The following SPECC1 variants were observed in gnomAD, a reference collection of about 807,000 sequenced individuals.
SPECC1 encodes cytospin-B.
Under a neutral mutation model 104.1 loss-of-function variants are expected in SPECC1, and 62 were observed. That is an observed-to-expected ratio of 0.60 (90% CI 0.49 to 0.74). The LOEUF is 0.74. Among genes scored for constraint, SPECC1 ranks in the 30% least tolerant of loss-of-function variants. SPECC1 has a pLI of 0.00. For synonymous variants in SPECC1, 513 were observed against 501.6 expected, an observed-to-expected ratio of 1.02 and a Z score of -0.30; for missense variants, 1,306 against 1,310.5, an observed-to-expected ratio of 1.00 and a Z score of 0.05.
intron 1 of SPECC1, among the ~76,000 whole-genome samples, chr17:20,041,517 C>T (rs2045325742): frequency 6.6e-6 from 1 of 151,718 alleles, no homozygotes; most frequent in Non-Finnish European, 1.5e-5. Context: ...GCAGGGATTA[C>T]AGGCTGTGAG....
At chr17:20,161,596 G>C (rs1279239986) in intron 3 of SPECC1, among the ~76,000 whole-genome samples, 2 of 152,184 alleles carry the variant, frequency 1.3e-5, no homozygotes, top group Admixed American at 1.3e-4. Flanking sequence ...CATAACGCGT[G>C]ATCTGTGAAG....
chr17:20,149,435 T>C (rs2031775093), intron 3 of SPECC1, among the ~76,000 whole-genome samples: 1 of 152,224 alleles, frequency 6.6e-6, no homozygotes, highest in Non-Finnish European at 1.5e-5. Context: ...ACTCCTGTTT[T>C]CCTTCCAGGA....
chr17:20,263,998 CTG>C (rs1447997867), intron 12 of SPECC1, among the ~76,000 whole-genome samples: 4 of 152,160 alleles, frequency 2.6e-5, no homozygotes, highest in Non-Finnish European at 5.9e-5. Context: ...CATGAAATCT[CTG>C]TAAAATTAGA....
At chr17:20,188,479 A>AATTCCTGACCTCAGGTGAT (rs905393633) in intron 3 of SPECC1, among the ~76,000 whole-genome samples, 2 of 152,002 alleles carry the variant, frequency 1.3e-5, no homozygotes, top group South Asian at 2.1e-4. Flanking sequence ...GCTGATCTCG[A>AATTCCTGACCTCAGGTGAT]ATTCCTGACC....
At chr17:20,207,567 A>G (rs2036868145) in intron 4 of SPECC1, among the ~76,000 whole-genome samples, 1 of 152,240 alleles carries the variant, frequency 6.6e-6, no homozygotes. Flanking sequence ...TCAGTGAGAA[A>G]TAATTTGACA....
intron 14 of SPECC1, among the ~76,000 whole-genome samples, chr17:20,307,914 CAA>C (rs2041815966): frequency 6.6e-6 from 1 of 151,946 alleles, no homozygotes. Flanking sequence ...ACAGAAAAAG[CAA>C]AGACAGATAA....
At chr17:20,224,073 G>A (rs531408287) in intron 4 of SPECC1, among the ~76,000 whole-genome samples, 1 of 152,356 alleles carries the variant, frequency 6.6e-6, no homozygotes, top group Non-Finnish European at 1.5e-5. Context: ...CACAAGCCCA[G>A]TAATGCTGTG....
intron 12 of SPECC1, 69 bp from the exon 13 acceptor site, chr17:20,296,892 A>G (rs1014197231): frequency 3.6e-6 from 5 of 1,397,700 alleles, no homozygotes; most frequent in Non-Finnish European, 4.0e-6. Flanking sequence ...TCTTATCACA[A>G]TCTTCCTCAT....
chr17:20,068,125 CT>C (rs1201497505), intron 1 of SPECC1, among the ~76,000 whole-genome samples: 1 of 152,110 alleles, frequency 6.6e-6, no homozygotes, highest in Non-Finnish European at 1.5e-5. Flanking sequence ...ACCACCACCC[CT>C]GGTTTGTATT....
At chr17:20,079,753 G>C (rs920636317) in intron 1 of SPECC1, among the ~76,000 whole-genome samples, 1 of 152,166 alleles carries the variant, frequency 6.6e-6, no homozygotes, top group African/African-American at 2.4e-5. Flanking sequence ...CTACGCATGG[G>C]TTGGGGAGGA....
chr17:20,245,660 T>C (rs958224109), intron 7 of SPECC1, among the ~76,000 whole-genome samples: 2 of 152,230 alleles, frequency 1.3e-5, no homozygotes, highest in Non-Finnish European at 2.9e-5. Flanking sequence ...ACACACTTTT[T>C]ATTTAGAGCT....
At chr17:20,239,200 G>A (rs563407549) in intron 7 of SPECC1, 4 of 1,020,108 alleles carry the variant, frequency 3.9e-6, no homozygotes, top group Non-Finnish European at 4.7e-6. Flanking sequence ...ATTTAAATAT[G>A]AATAGATTGA....
chr17:20,253,505 A>AG lies in SPECC1; in HGVS notation c.2601dup (p.His868AlafsTer22). On this transcript the variant is annotated frameshift_variant and splice_region_variant, in exon 10 of 15. Coordinates refer to ENST00000395527, the MANE Select transcript of SPECC1 (RefSeq NM_001243439.2). LOFTEE classifies it high-confidence loss of function. Reference sequence around the variant, plus strand: ...GCTGGTGTCCCCCTGGTTTTTACAGAGGCATTCGACTTACAGCAGTGTGCG... The same window carrying AG: ...GCTGGTGTCCCCCTGGTTTTTACAGAGGGCATTCGACTTACAGCAGTGTGCG... 1 of 1,613,868 alleles carries AG rather than the reference A, an allele frequency of 6.2e-7. No individual in the cohort carries two copies. The highest frequency in any genetic ancestry group is 8.5e-7 in the Non-Finnish European group (1 of 1,180,028).
At chr17:20,015,938 G>T (rs1462777822) in intron 1 of SPECC1, among the ~76,000 whole-genome samples, 1 of 147,750 alleles carries the variant, frequency 6.8e-6, no homozygotes, top group Non-Finnish European at 1.5e-5. Flanking sequence ...TAGGCAGGGC[G>T]CAGTGGCTCA....
At chr17:20,189,299 G>A (rs1312650450) in intron 3 of SPECC1, among the ~76,000 whole-genome samples, 2 of 152,170 alleles carry the variant, frequency 1.3e-5, no homozygotes, top group African/African-American at 2.4e-5. Flanking sequence ...GTTAGGCAAT[G>A]AGGATTTCAT....
At chr17:20,114,344 A>G (rs1295219626) in intron 3 of SPECC1, among the ~76,000 whole-genome samples, 3 of 152,046 alleles carry the variant, frequency 2.0e-5, no homozygotes, top group Non-Finnish European at 2.9e-5. Flanking sequence ...GGTGCACACC[A>G]CCACGCCCAG....
At chr17:20,264,715 G>A (rs1032055464) in intron 12 of SPECC1, among the ~76,000 whole-genome samples, 4 of 151,708 alleles carry the variant, frequency 2.6e-5, no homozygotes, top group African/African-American at 7.3e-5. Flanking sequence ...CAGGTGATCC[G>A]CCCACCTTGA....
intron 3 of SPECC1, among the ~76,000 whole-genome samples, chr17:20,200,911 A>G (rs879042888): frequency 1.3e-5 from 2 of 152,148 alleles, no homozygotes; most frequent in Admixed American, 1.3e-4. Context: ...AAAAAGGAAA[A>G]AGAATAGATA....
At chr17:20,129,998 C>T (rs887844173) in intron 3 of SPECC1, among the ~76,000 whole-genome samples, 10 of 152,078 alleles carry the variant, frequency 6.6e-5, no homozygotes, top group Non-Finnish European at 1.5e-4. Context: ...AGGTGATCCA[C>T]CTGCCTCAGC....
Sources: gnomAD v4.1 joint callset for allele counts (sites outside exome capture counted in the v4.1 genomes callset) on GRCh38, gnomAD v4.1.1 for gene constraint, MANE v1.5 for transcripts, NCBI Gene and HGNC (gene_info 2026-07-23, HGNC 2026-07-21) for gene names.